FKBP5: variants seen among roughly 807,000 people sequenced by gnomAD.
The protein encoded by FKBP5 is FKBP prolyl isomerase 5.
Under a neutral mutation model 50.5 loss-of-function variants are expected in FKBP5, and 23 were observed. The observed-to-expected ratio is 0.46, with a 90% CI of 0.33 to 0.65. FKBP5 has a LOEUF of 0.65. FKBP5 is among the 30% of genes least tolerant of loss of function. The pLI is 0.02. For missense variants in FKBP5, 411 were observed against 553.1 expected, an observed-to-expected ratio of 0.74 and a Z score of 2.58; for synonymous variants, 176 against 190.6, an observed-to-expected ratio of 0.92 and a Z score of 0.63.
At chr6:35,636,900 GTAC>G in intron 3 of FKBP5, 111 bp downstream of exon 3, 1 of 926,680 alleles carries the variant, frequency 1.1e-6, no homozygotes, top group East Asian at 3.0e-5. Context: ...CATTCTTTGA[GTAC>G]TACTACTCTA....
intron 8 of FKBP5, chr6:35,586,648 C>A (rs369811718): frequency 5.9e-6 from 6 of 1,013,296 alleles, no homozygotes; most frequent in Non-Finnish European, 7.1e-6. Context: ...GTGAAACTTA[C>A]CCTTATGAAT....
intron 1 of FKBP5, among the ~76,000 whole-genome samples, chr6:35,665,987 A>G (rs1363787117): frequency 1.3e-5 from 2 of 152,194 alleles, no homozygotes; most frequent in South Asian, 2.1e-4. Context: ...AAGGTAGGCT[A>G]TGATGTTCAG....
intron 2 of FKBP5, among the ~76,000 whole-genome samples, chr6:35,713,043 C>A (rs1212559043): frequency 7.8e-6 from 1 of 128,608 alleles, no homozygotes; most frequent in Non-Finnish European, 1.6e-5. Flanking sequence ...CGCTACTGCA[C>A]TCCAGCCCAG....
In FKBP5 at chr6:35,642,765, C is replaced by T. The variant is rs1561873052; in HGVS notation, c.60G>A (p.Glu20=). 3.7e-6 allele frequency: 6 copies of T among 1,614,090 alleles called. No individual in the cohort carries two copies. Among genetic ancestry groups the T allele is most frequent in the Non-Finnish European group, 5.1e-6 (6 of 1,180,002 alleles). Residue 20 remains glutamate (E), a synonymous_variant, in exon 2 of 11, where the codon GAG becomes GAA. Coordinates refer to ENST00000357266, the MANE Select transcript of FKBP5 (RefSeq NM_004117.4). ...TTTTGGAGGTAATATCCTCTCCCTGCTCAGCAACAGTGGCTGTGGGGCTTT... is the reference window on the plus strand; with the variant it reads ...TTTTGGAGGTAATATCCTCTCCCTGTTCAGCAACAGTGGCTGTGGGGCTTT... ...NEESPTATVA[E]QGEDITSKKD...
At chr6:35,636,936 G>T in intron 3 of FKBP5, 78 bp downstream of exon 3, 1 of 1,322,074 alleles carries the variant, frequency 7.6e-7, no homozygotes. Flanking sequence ...TTTTAGAAAG[G>T]ATAGAATCCT....
At chr6:35,582,704 A>C (rs985775647) in intron 8 of FKBP5, 1 of 985,368 alleles carries the variant, frequency 1.0e-6, no homozygotes, top group East Asian at 1.1e-4. Flanking sequence ...TCATAGTCTT[A>C]GGCCTACCAC....
At chr6:35,581,260 A>T in intron 8 of FKBP5, 1 of 426,874 alleles carries the variant, frequency 2.3e-6, no homozygotes, top group Non-Finnish European at 3.1e-6. Flanking sequence ...ATATATATAA[A>T]TATAAACATA....
chr6:35,725,492 G>C (rs1233748102), intron 1 of FKBP5, among the ~76,000 whole-genome samples: 1 of 152,134 alleles, frequency 6.6e-6, no homozygotes, highest in Non-Finnish European at 1.5e-5. Flanking sequence ...TTTCAAGGCT[G>C]GGTGATGGGA....
chr6:35,589,526 G>C (rs1377222712), intron 7 of FKBP5, among the ~76,000 whole-genome samples: 1 of 152,130 alleles, frequency 6.6e-6, no homozygotes, highest in Non-Finnish European at 1.5e-5. Flanking sequence ...AAGCAGCAGT[G>C]CATGAATATA....
chr6:35,617,556 ATGATT>A (rs1231543967), intron 5 of FKBP5, among the ~76,000 whole-genome samples: 2 of 152,174 alleles, frequency 1.3e-5, no homozygotes, highest in Admixed American at 1.3e-4. Flanking sequence ...TCCTTGTTGA[ATGATT>A]TGATTTTTGT....
At chr6:35,680,807 T>C (rs1395219824) in intron 1 of FKBP5, among the ~76,000 whole-genome samples, 2 of 152,232 alleles carry the variant, frequency 1.3e-5, no homozygotes, top group Non-Finnish European at 2.9e-5. Flanking sequence ...TTGCAACAGC[T>C]AGCACATTGT....
intron 2 of FKBP5, among the ~76,000 whole-genome samples, chr6:35,709,280 AT>A (rs1766376114): frequency 6.6e-6 from 1 of 152,210 alleles, no homozygotes; most frequent in African/African-American, 2.4e-5. Context: ...TGAGAACAGC[AT>A]GGGAAAGACC....
chr6:35,577,153 T>A lies in FKBP5; in HGVS notation c.1107A>T (p.Ser369=). The A allele has an allele frequency of 1.9e-6, 3 of 1,614,222 alleles. No individual in the cohort carries two copies. Among genetic ancestry groups the A allele is most frequent in the Non-Finnish European group, 2.5e-6 (3 of 1,180,014 alleles). The change falls in exon 10 of 11, where the codon TCA becomes TCT. Residue 369 remains serine, a synonymous_variant. Coordinates refer to ENST00000357266, the MANE Select transcript of FKBP5 (RefSeq NM_004117.4). ...GCACTTTCTCAAAGTCACCCTTGGC[T>A]GACTCAAACTCGTTCATGAGCAGCT... ...EAQLLMNEFE[S]AKGDFEKVLE...
At chr6:35,589,116 ATATATATATATAT>A (rs1762723862) in intron 7 of FKBP5, among the ~76,000 whole-genome samples, 2 of 124,830 alleles carry the variant, frequency 1.6e-5, no homozygotes, top group African/African-American at 6.4e-5. Flanking sequence ...ATTTTTATAT[ATATATATATATAT>A]TTTTTTTTTT....
chr6:35,631,364 C>T lies in FKBP5; in HGVS notation c.250+5650G>A, dbSNP rs528484729. ...AAGATTCTGTTTATATGAAATTCTA[C>T]AAAAGGCAAAATTATAGTAACAGAA... On this transcript the variant is annotated intron_variant, in intron 3 of 10. Coordinates refer to ENST00000357266, the MANE Select transcript of FKBP5 (RefSeq NM_004117.4). Among the ~76,000 whole-genome samples the T allele has an allele frequency of 4.6e-5, 7 of 152,218 alleles. No homozygotes were observed. The East Asian group carries it at 7.7e-4, about 17-fold the overall frequency.
chr6:35,692,315 T>C (rs757246023), upstream of FKBP5, among the ~76,000 whole-genome samples: 8 of 152,244 alleles, frequency 5.3e-5, no homozygotes, highest in Non-Finnish European at 1.0e-4. Flanking sequence ...TAGGCCAGTG[T>C]TACTCTTTAT....
At chr6:35,582,574 A>T (rs887989945) in intron 8 of FKBP5, 1 of 803,584 alleles carries the variant, frequency 1.2e-6, no homozygotes, top group African/African-American at 1.9e-5. Context: ...CCAGACACTG[A>T]TCCTGCTAAC....
chr6:35,645,267 T>C (rs946914446), intron 1 of FKBP5, among the ~76,000 whole-genome samples: 1 of 152,044 alleles, frequency 6.6e-6, no homozygotes, highest in Non-Finnish European at 1.5e-5. Flanking sequence ...CCTGAAAAAA[T>C]GTTAACAACA....
At position 35,658,663 on chromosome 6, in the gene FKBP5, G is replaced by GCCTGTT. The variant is rs1257431102; in HGVS notation, c.-19-15821_-19-15820insAACAGG. 4.8e-4 allele frequency among the ~76,000 whole-genome samples: 10 copies of GCCTGTT among 20,642 alleles called. 2 individuals are homozygous for GCCTGTT. Among genetic ancestry groups the GCCTGTT allele is most frequent in the South Asian group, 3.4e-3 (2 of 592 alleles). 13.5% of individuals were successfully genotyped at this position (20,642 alleles called of 152,430 possible). ...GCTTTCTCTTGCTAATGTGGTACAT[G>GCCTGTT]ACATTGGTTTTCAAATGTTAAACCA... On this transcript the variant is annotated intron_variant, in intron 1 of 10. Transcript: ENST00000357266.
Sources: allele counts gnomAD v4.1 joint callset (sites outside exome capture counted in the v4.1 genomes callset), GRCh38; gene constraint gnomAD v4.1.1; transcripts MANE v1.5; gene names NCBI Gene and HGNC (gene_info 2026-07-23, HGNC 2026-07-21).